The following ZNF737 variants were observed in gnomAD, a reference collection of about 807,000 sequenced individuals.
ZNF737 encodes the protein zinc finger protein 737.
Under a neutral mutation model 11.7 loss-of-function variants are expected in ZNF737, and 13 were observed. The ratio of observed to expected loss-of-function variants is 1.11; its 90% CI spans 0.73 to 1.77. ZNF737 has a LOEUF of 1.77. Ranked by LOEUF, ZNF737 falls within the 40% of genes most tolerant of loss-of-function variation. The pLI is 0.00. For missense variants in ZNF737, 636 were observed against 638.0 expected (o/e 1.00, Z 0.03); for synonymous variants, 217 against 216.2 (o/e 1.00, Z -0.03).
chr19:20,532,505 C>T (rs782135095), downstream of ZNF737, among the ~76,000 whole-genome samples: 1 of 149,988 alleles, frequency 6.7e-6, no homozygotes, highest in Admixed American at 6.6e-5. Flanking sequence ...ATAAAATAAA[C>T]TTGATCTGAG....
In ZNF737 at chr19:20,543,772, T is replaced by C; in HGVS notation, c.*820A>G. 1 of 985,466 alleles carries C rather than the reference T, an allele frequency of 1.0e-6. No individual in the cohort carries two copies. Among genetic ancestry groups the C allele is most frequent in the Non-Finnish European group, 1.2e-6 (1 of 829,952 alleles). 61.0% of individuals were successfully genotyped at this position (985,466 alleles called of 1,614,324 possible). ...GTTGGAGGTGTTCGTAAAAGCAATG[T>C]CACATTTTTTAGCTTTGCGGATTTC... On this transcript the variant is annotated 3_prime_UTR_variant, in exon 4 of 4. Coordinates refer to ENST00000427401, the MANE Select transcript of ZNF737 (RefSeq NM_001159293.2).
At position 20,544,255 on chromosome 19, in the gene ZNF737, A is replaced by G. The variant is rs1293695636; in HGVS notation, c.*337T>C. The G allele has an allele frequency of 1.8e-5, 19 of 1,085,160 alleles. No homozygotes were observed. Among genetic ancestry groups the G allele is most frequent in the East Asian group, 6.8e-5 (1 of 14,694 alleles). 67.2% of individuals were successfully genotyped at this position (1,085,160 alleles called of 1,614,324 possible). On this transcript the variant is annotated 3_prime_UTR_variant, in exon 4 of 4. Transcript: ENST00000427401. ...TCCTAAAAGCGTTGTCACATTCTTT[A>G]TATTTGTAGGGTTTATGTTCCATAT...
intron 1 of ZNF737, among the ~76,000 whole-genome samples, chr19:20,559,218 G>A (rs1968994833): frequency 6.6e-6 from 1 of 152,090 alleles, no homozygotes; most frequent in Admixed American, 6.6e-5. Context: ...CACAGCAAAG[G>A]AAACTATCAA....
Position 20,548,967 on chromosome 19 carries a change from A to AAAAAAAC in ZNF737, c.227-2992_227-2991insGTTTTTT, listed in dbSNP as rs1599415279. ...ATTTTTTTTAAAGAAAAACTGAAAA[A>AAAAAAAC]AAAAAAAAAAAAACAATTATGTATC... On this transcript the variant is annotated intron_variant, in intron 3 of 3. Coordinates refer to ENST00000427401, the MANE Select transcript of ZNF737 (RefSeq NM_001159293.2). Among the ~76,000 whole-genome samples the AAAAAAAC allele has an allele frequency of 3.5e-5, 4 of 114,544 alleles. No homozygotes were observed. The East Asian group carries it at 1.3e-3, about 37-fold the overall frequency. 75.1% of individuals were successfully genotyped at this position (114,544 alleles called of 152,430 possible).
Position 20,539,519 on chromosome 19 carries a change from C to T in ZNF737, c.*5073G>A, listed in dbSNP as rs1968114050. On this transcript the variant is annotated 3_prime_UTR_variant, in exon 4 of 4. Transcript: ENST00000427401. Reference sequence around the variant, plus strand: ...AAATGTGGTCTTGGTAAATTTTATTCCATTTCAAATGTTTTCTCTAATGTT... The same window carrying T: ...AAATGTGGTCTTGGTAAATTTTATTTCATTTCAAATGTTTTCTCTAATGTT... 3.0e-6 allele frequency: 3 copies of T among 985,060 alleles called. No individual in the cohort carries two copies. Among genetic ancestry groups the T allele is most frequent in the South Asian group, 9.4e-5 (2 of 21,274 alleles). The allele number at this position is 985,060 out of a possible 1,614,324, so 61.0% of individuals were successfully genotyped here.
chr19:20,534,459 A>G (rs1246111365), downstream of ZNF737, among the ~76,000 whole-genome samples: 4 of 117,154 alleles, frequency 3.4e-5, no homozygotes, highest in African/African-American at 1.1e-4. Flanking sequence ...AAAAATATCT[A>G]TCTATCTATC....
At chr19:20,553,593 G>GA in intron 2 of ZNF737, 116 bp downstream of exon 2, 1 of 1,118,912 alleles carries the variant, frequency 8.9e-7, no homozygotes, top group Non-Finnish European at 1.3e-6. Context: ...AGATTTTCTT[G>GA]AAAAAGTGGA....
rs1184252761 is a variant in ZNF737, at chr19:20,539,339, G to C, written c.*5253C>G. The C allele has an allele frequency of 2.0e-6, 2 of 984,670 alleles. No homozygotes were observed. Among genetic ancestry groups the C allele is most frequent in the South Asian group, 9.4e-5 (2 of 21,244 alleles). 61.0% of individuals were successfully genotyped at this position (984,670 alleles called of 1,614,324 possible). A position where few individuals can be genotyped will look rare whatever the true frequency, so the allele number is the denominator to read the frequency against. On this transcript the variant is annotated 3_prime_UTR_variant, in exon 4 of 4. Coordinates refer to ENST00000427401, the MANE Select transcript of ZNF737 (RefSeq NM_001159293.2). ...TTCAATTACTTGGAAACCCTGGGAA[G>C]CCCCTATAAAATACTCCCTTTGAAT...
rs33928 is a variant in ZNF737, at chr19:20,544,327, G to C, written c.*265C>G. 828,828 of 1,291,260 alleles carry C rather than the reference G, an allele frequency of 0.64. 270,269 individuals carry two copies. The highest frequency in any genetic ancestry group is 0.93 in the African/African-American group (62,326 of 66,808). 80.0% of individuals were successfully genotyped at this position (1,291,260 alleles called of 1,614,324 possible). A position where few individuals can be genotyped will look rare whatever the true frequency, so the allele number is the denominator to read the frequency against. Reference sequence around the variant, plus strand: ...GTTGATAGCTGGTTAAAGGCTTTCCGACATTCATCAAACTCACAGGGTTTC... The same window carrying C: ...GTTGATAGCTGGTTAAAGGCTTTCCCACATTCATCAAACTCACAGGGTTTC... On this transcript the variant is annotated 3_prime_UTR_variant, in exon 4 of 4. Transcript: ENST00000427401.
chr19:20,554,180 G>T (rs145832381), intron 1 of ZNF737, among the ~76,000 whole-genome samples: 1 of 152,136 alleles, frequency 6.6e-6, no homozygotes, highest in Non-Finnish European at 1.5e-5. Context: ...AGTTTAGAAG[G>T]CACCTCTAAA....
At chr19:20,557,150 TTC>T (rs1456880985) in intron 1 of ZNF737, among the ~76,000 whole-genome samples, 1 of 152,188 alleles carries the variant, frequency 6.6e-6, no homozygotes, top group Non-Finnish European at 1.5e-5. Flanking sequence ...GAAAACAAGT[TTC>T]TAAATAAATG....
chr19:20,548,741 T>A (rs1555757559), intron 3 of ZNF737, among the ~76,000 whole-genome samples: 1 of 113,878 alleles, frequency 8.8e-6, no homozygotes, highest in African/African-American at 3.2e-5. Context: ...TATGGCTGGC[T>A]ATTATTATTA....
intron 3 of ZNF737, among the ~76,000 whole-genome samples, chr19:20,549,496 C>T (rs782069424): frequency 3.9e-5 from 6 of 152,018 alleles, no homozygotes; most frequent in Non-Finnish European, 7.4e-5. Context: ...AGCATGGTGG[C>T]TCATGCCTGT....
chr19:20,533,068 C>G (rs1319944828), downstream of ZNF737, among the ~76,000 whole-genome samples: 1 of 150,006 alleles, frequency 6.7e-6, no homozygotes, highest in Non-Finnish European at 1.5e-5. Context: ...GACCTTTGGA[C>G]TGGGGCTGGT....
In ZNF737 at chr19:20,541,226, G is replaced by T. The variant is rs1172404952; in HGVS notation, c.*3366C>A. The T allele has an allele frequency of 1.3e-5, 13 of 983,310 alleles. No homozygotes were observed. The highest frequency in any genetic ancestry group is 1.6e-5 in the Non-Finnish European group (13 of 828,236). 60.9% of individuals were successfully genotyped at this position (983,310 alleles called of 1,614,324 possible). A position where few individuals can be genotyped will look rare whatever the true frequency, so the allele number is the denominator to read the frequency against. ...CATAATTTGTTTTGTTGCAGTAATT[G>T]CTTTTATTCTGAAAATATGTACAAA... On this transcript the variant is annotated 3_prime_UTR_variant, in exon 4 of 4. Transcript: ENST00000427401.
rs1235910004 is a variant in ZNF737, at chr19:20,542,874, C to G, written c.*1718G>C. ...ATAAAATAACAGCATAATTTGAAAGCTGTATTACATCATTATTCAGCTTTC... is the reference window on the plus strand; with the variant it reads ...ATAAAATAACAGCATAATTTGAAAGGTGTATTACATCATTATTCAGCTTTC... On this transcript the variant is annotated 3_prime_UTR_variant, in exon 4 of 4. Coordinates refer to ENST00000427401, the MANE Select transcript of ZNF737 (RefSeq NM_001159293.2). 1.0e-6 allele frequency: 1 copy of G among 984,924 alleles called. No individual in the cohort carries two copies. Among genetic ancestry groups the G allele is most frequent in the Non-Finnish European group, 1.2e-6 (1 of 829,644 alleles). The allele number at this position is 984,924 out of a possible 1,614,324, so 61.0% of individuals were successfully genotyped here.
At position 20,540,136 on chromosome 19, in the gene ZNF737, CA is replaced by C. The variant is rs1968143101; in HGVS notation, c.*4455del. The C allele has an allele frequency of 3.0e-6, 3 of 985,168 alleles. No individual in the cohort carries two copies. In the South Asian group the frequency reaches 1.4e-4, roughly 46 times the overall value. The allele number at this position is 985,168 out of a possible 1,614,324, so 61.0% of individuals were successfully genotyped here. Reference sequence around the variant, plus strand: ...AGGAGGCAGAAATGATGGCAAGATACAAACATTTTTCCCGCCATGTGGCCAC... The same window carrying C: ...AGGAGGCAGAAATGATGGCAAGATACAACATTTTTCCCGCCATGTGGCCAC... On this transcript the variant is annotated 3_prime_UTR_variant, in exon 4 of 4. Coordinates refer to ENST00000427401, the MANE Select transcript of ZNF737 (RefSeq NM_001159293.2).
Position 20,543,675 on chromosome 19 carries a change from T to C in ZNF737, c.*917A>G, listed in dbSNP as rs16996369. ...AACCTACAATCAAGAGTGGCAACCATATAAAGGCTTTGTCACATTTTATAT... is the reference window on the plus strand; with the variant it reads ...AACCTACAATCAAGAGTGGCAACCACATAAAGGCTTTGTCACATTTTATAT... On this transcript the variant is annotated 3_prime_UTR_variant, in exon 4 of 4. Coordinates refer to ENST00000427401, the MANE Select transcript of ZNF737 (RefSeq NM_001159293.2). 17 of 985,352 alleles carry C rather than the reference T, an allele frequency of 1.7e-5. No individual in the cohort carries two copies. Among genetic ancestry groups the C allele is most frequent in the Non-Finnish European group, 1.9e-5 (16 of 829,926 alleles). 61.0% of individuals were successfully genotyped at this position (985,352 alleles called of 1,614,324 possible). A position where few individuals can be genotyped will look rare whatever the true frequency, so the allele number is the denominator to read the frequency against.
Position 20,562,340 on chromosome 19 carries a change from A to ATT in ZNF737, c.3+3296_3+3297dup, listed in dbSNP as rs56851244. On this transcript the variant is annotated intron_variant, in intron 1 of 3. Coordinates refer to ENST00000427401, the MANE Select transcript of ZNF737 (RefSeq NM_001159293.2). ...AGGCACCCACCAACACACCTGGCTAATTTTTTTTTTTTTTTTTTGAAATGG... is the reference window on the plus strand; with the variant it reads ...AGGCACCCACCAACACACCTGGCTAATTTTTTTTTTTTTTTTTTTTGAAATGG... Among the ~76,000 whole-genome samples, 895 of 123,742 alleles carry ATT rather than the reference A, an allele frequency of 7.2e-3. 19 individuals carry two copies. The highest frequency in any genetic ancestry group is 0.021 in the African/African-American group (696 of 32,786). The allele number at this position is 123,742 out of a possible 152,430, so 81.2% of individuals were successfully genotyped here. A position where few individuals can be genotyped will look rare whatever the true frequency, so the allele number is the denominator to read the frequency against.
Sources: gnomAD v4.1 joint callset for allele counts (sites outside exome capture counted in the v4.1 genomes callset) on GRCh38, gnomAD v4.1.1 for gene constraint, MANE v1.5 for transcripts, NCBI Gene and HGNC (gene_info 2026-07-23, HGNC 2026-07-21) for gene names.